The following SLX4 variants were observed in gnomAD, a reference collection of about 807,000 sequenced individuals.
SLX4 encodes structure-specific endonuclease subunit SLX4.
Under a neutral mutation model 146.2 loss-of-function variants are expected in SLX4, and 112 were observed. The observed-to-expected ratio is 0.77, with a 90% CI of 0.66 to 0.90. SLX4 has a LOEUF of 0.90. Among genes scored for constraint, SLX4 ranks in the 40% least tolerant of loss-of-function variants. SLX4 has a pLI of 0.00. For synonymous variants in SLX4, 1,061 were observed against 997.7 expected, an observed-to-expected ratio of 1.06 and a Z score of -1.20; for missense variants, 2,563 against 2,392.7, an observed-to-expected ratio of 1.07 and a Z score of -1.49.
chr16:3,599,680 A>C (rs537101365), intron 5 of SLX4, among the ~76,000 whole-genome samples: 7 of 152,280 alleles, frequency 4.6e-5, no homozygotes, highest in African/African-American at 1.7e-4. Flanking sequence ...TTGGCCTCCC[A>C]GGCTCAAGTG....
rs114703735 is a variant in SLX4, at chr16:3,598,254, G to A, written c.1164-255C>T. Among the ~76,000 whole-genome samples the A allele has an allele frequency of 6.2e-3, 951 of 152,308 alleles. 9 individuals carry two copies. The highest frequency in any genetic ancestry group is 0.018 in the African/African-American group (730 of 41,570). ...TCCAGCAGGCTCATGGCAGATGTACGGAGCCATCTGTGGTACCTGCACATC... is the reference window on the plus strand; with the variant it reads ...TCCAGCAGGCTCATGGCAGATGTACAGAGCCATCTGTGGTACCTGCACATC... On this transcript the variant is annotated intron_variant, in intron 5 of 14. Transcript: ENST00000294008.
chr16:3,591,266 A>C lies in SLX4; in HGVS notation c.2372T>G (p.Ile791Ser), dbSNP rs2040591427. The change falls in exon 12 of 15, where the codon ATT becomes AGT. Residue 791 changes from isoleucine to serine, a missense_variant. Transcript: ENST00000294008. Reference sequence around the variant, plus strand: ...TGGTTTGCCCTCTGAGTCAGTGGCAATAGGCACCTGTTCGCACAGGTGAAC... The same window carrying C: ...TGGTTTGCCCTCTGAGTCAGTGGCACTAGGCACCTGTTCGCACAGGTGAAC... Reference protein sequence around the residue: ...ELVHLCEQVPIATDSEGKPWE... With the variant: ...ELVHLCEQVPSATDSEGKPWE... 1.2e-6 allele frequency: 2 copies of C among 1,612,820 alleles called. No homozygotes were observed. Among genetic ancestry groups the C allele is most frequent in the African/African-American group, 2.7e-5 (2 of 75,018 alleles).
intron 13 of SLX4, among the ~76,000 whole-genome samples, chr16:3,583,716 T>C (rs1461720439): frequency 1.3e-5 from 2 of 152,176 alleles, no homozygotes; most frequent in African/African-American, 2.4e-5. Context: ...AAAAGAAACA[T>C]TGCCAGCCAG....
intron 8 of SLX4, 51 bp downstream of exon 8, chr16:3,596,102 G>A (rs2040650379): frequency 6.5e-7 from 1 of 1,532,328 alleles, no homozygotes; most frequent in Non-Finnish European, 8.8e-7. Context: ...CCGCGGGGAG[G>A]GGAGGCCCGG....
intron 7 of SLX4, 52 bp from the exon 8 acceptor site, chr16:3,596,445 C>T: frequency 6.5e-7 from 1 of 1,540,608 alleles, no homozygotes; most frequent in Non-Finnish European, 8.8e-7. Context: ...CATTGACGCA[C>T]ACACTGCAGA....
chr16:3,582,952 AC>A, intron 14 of SLX4, 144 bp downstream of exon 14: 1 of 1,092,160 alleles, frequency 9.2e-7, no homozygotes, highest in Non-Finnish European at 1.4e-6. Context: ...AGCCCCCTAA[AC>A]CCACCTGGTT....
chr16:3,591,128 T>C lies in SLX4; in HGVS notation c.2510A>G (p.Lys837Arg), dbSNP rs2151125769. The stretch of plus-strand genomic sequence containing the variant: ...GTTTTCTTGATCTTCTTCGTGGTCC[T>C]TGGATTTCAACAAAGTCTCCGCTTC... ...EEEAETLLKS[K>R]DHEEDQENVN... Residue 837 changes from lysine (K) to arginine (R), a missense_variant, in exon 12 of 15, where the codon AAG becomes AGG. Coordinates refer to ENST00000294008, the MANE Select transcript of SLX4 (RefSeq NM_032444.4). 6.2e-7 allele frequency: 1 copy of C among 1,614,240 alleles called. No individual in the cohort carries two copies. Among genetic ancestry groups the C allele is most frequent in the Non-Finnish European group, 8.5e-7 (1 of 1,180,054 alleles).
chr16:3,608,196 A>C (rs1056461262), intron 2 of SLX4, among the ~76,000 whole-genome samples: 8 of 152,150 alleles, frequency 5.3e-5, no homozygotes, highest in African/African-American at 1.2e-4. Context: ...ATAAAAACAA[A>C]CCAAAAGTTA....
At chr16:3,587,302 G>C (rs1464168456) in intron 12 of SLX4, among the ~76,000 whole-genome samples, 1 of 152,198 alleles carries the variant, frequency 6.6e-6, no homozygotes, top group Admixed American at 6.5e-5. Context: ...CTCAAGACCA[G>C]CCTGATCAAC....
Position 3,586,153 on chromosome 16 carries a change from C to G in SLX4, c.4637-1282G>C, listed in dbSNP as rs140620360. On this transcript the variant is annotated intron_variant, in intron 12 of 14. Coordinates refer to ENST00000294008, the MANE Select transcript of SLX4 (RefSeq NM_032444.4). ...GCAATTCCACTCCTAAGTACAGAAC[C>G]AAGAAGAAGGAAAACATGTCTACAC... is the stretch of plus-strand genomic sequence containing the variant. 1.4e-4 allele frequency among the ~76,000 whole-genome samples: 21 copies of G among 152,176 alleles called. No homozygotes were observed. In the East Asian group the frequency reaches 3.5e-3, roughly 25 times the overall value.
At chr16:3,606,728 C>T in intron 2 of SLX4, 30 bp from the exon 3 acceptor site, 2 of 1,608,476 alleles carry the variant, frequency 1.2e-6, no homozygotes, top group Admixed American at 1.7e-5. Flanking sequence ...TCACAACCAT[C>T]TGTTGTAGCT....
intron 12 of SLX4, among the ~76,000 whole-genome samples, chr16:3,586,102 G>A (rs2040505228): frequency 6.6e-6 from 1 of 152,164 alleles, no homozygotes; most frequent in Admixed American, 6.5e-5. Context: ...TCCTCACAAT[G>A]CTAAACACAG....
intron 3 of SLX4, among the ~76,000 whole-genome samples, chr16:3,605,440 C>A (rs1363345018): frequency 1.3e-5 from 2 of 151,912 alleles, no homozygotes; most frequent in African/African-American, 4.8e-5. Context: ...CCAGGCTGGT[C>A]TCGAACTTGT....
In SLX4 at chr16:3,608,783, C is replaced by G. The variant is rs1190302012; in HGVS notation, c.182G>C (p.Arg61Thr). Residue 61 changes from arginine to threonine, a missense_variant, in exon 2 of 15, where the codon AGG becomes ACG. Arg to Thr is a moderately conservative substitution (Grantham distance 71, BLOSUM62 -1). Transcript: ENST00000294008. ...TTCCTTGATTCCATGTTTTTTCACC[C>G]TTTGGAAAAAGCTAGCGCAGAGTTC... Reference protein sequence around the residue: ...FKELCASFFQRVKKHGIKEVS... With the variant: ...FKELCASFFQTVKKHGIKEVS... 1 of 1,614,056 alleles carries G rather than the reference C, an allele frequency of 6.2e-7. No homozygotes were observed. The highest frequency in any genetic ancestry group is 8.5e-7 in the Non-Finnish European group (1 of 1,180,048).
In SLX4 at chr16:3,594,453, A is replaced by G. The variant is rs1431131507; in HGVS notation, c.2160T>C (p.Tyr720=). The G allele has an allele frequency of 1.9e-6, 3 of 1,612,818 alleles. No individual in the cohort carries two copies. The highest frequency in any genetic ancestry group is 2.2e-5 in the East Asian group (1 of 44,858). ...GGCACACGGCAGCCCACGTACTTAC[A>G]TACTGGATGAGGAGCGGGCATCGGG... ...LYARCPLLIQ[Y]VNNEGFSAVE... Residue 720 remains tyrosine (Y), a splice_region_variant and synonymous_variant, in exon 10 of 15, where the codon TAT becomes TAC. Transcript: ENST00000294008.
chr16:3,596,429 C>A, intron 7 of SLX4, 36 bp from the exon 8 acceptor site: 1 of 1,562,060 alleles, frequency 6.4e-7, no homozygotes, highest in Non-Finnish European at 8.7e-7. Context: ...ACCACGTGGT[C>A]ACTGTCATTG....
chr16:3,600,452 A>T lies in SLX4; in HGVS notation c.1163+527T>A, dbSNP rs560339727. Among the ~76,000 whole-genome samples the T allele has an allele frequency of 5.6e-4, 85 of 152,160 alleles. 1 individual carries two copies. Among genetic ancestry groups the T allele is most frequent in the Admixed American group, 1.9e-3 (29 of 15,282 alleles). ...GCGAAGATCATTTCTGCACCCCCCT[A>T]AAGGGGCAGGTCCAGAGCCTTCCAG... On this transcript the variant is annotated intron_variant, in intron 5 of 14. Coordinates refer to ENST00000294008, the MANE Select transcript of SLX4 (RefSeq NM_032444.4).
At position 3,603,109 on chromosome 16, in the gene SLX4, A is replaced by C. The variant is rs151280233; in HGVS notation, c.761-802T>G. On this transcript the variant is annotated intron_variant, in intron 3 of 14. Coordinates refer to ENST00000294008, the MANE Select transcript of SLX4 (RefSeq NM_032444.4). ...ACACTCTGTCGCCAGGCTGGAGTGC[A>C]ACGACGCGATCTCAGCTCACTGCAA... Among the ~76,000 whole-genome samples the C allele has an allele frequency of 2.6e-5, 4 of 152,238 alleles. No individual in the cohort carries two copies. In the East Asian group the frequency reaches 7.7e-4, roughly 29 times the overall value.
rs1490268218 is a variant in SLX4, at chr16:3,592,684, G to A, written c.2327+15C>T. 3.1e-6 allele frequency: 5 copies of A among 1,611,204 alleles called. No homozygotes were observed. The highest frequency in any genetic ancestry group is 3.4e-6 in the Non-Finnish European group (4 of 1,179,260). ...CCTCGTCAGTTAATTTCAAAAGCTG[G>A]GGAGCAATCCAGACCTGTGGGCCAG... On this transcript the variant is annotated intron_variant, in intron 11 of 14. Coordinates refer to ENST00000294008, the MANE Select transcript of SLX4 (RefSeq NM_032444.4).
Sources: allele counts gnomAD v4.1 joint callset (sites outside exome capture counted in the v4.1 genomes callset), GRCh38; gene constraint gnomAD v4.1.1; transcripts MANE v1.5; gene names NCBI Gene and HGNC (gene_info 2026-07-23, HGNC 2026-07-21).